The following SLC35F4 variants were observed in gnomAD, a reference collection of about 807,000 sequenced individuals.
The protein encoded by SLC35F4 is solute carrier family 35 member F4, also known as chromosome 14 open reading frame 36.
SLC35F4 carries 24 observed loss-of-function variants against 44.2 expected under a neutral mutation model. The observed-to-expected ratio is 0.54, with a 90% confidence interval of 0.39 to 0.76. The LOEUF is 0.76. SLC35F4 is among the 30% of genes least tolerant of loss of function. The pLI is 0.00. For synonymous variants in SLC35F4, 238 were observed against 223.6 expected (o/e 1.06, Z -0.57); for missense variants, 562 against 586.1 (o/e 0.96, Z 0.42).
chr14:57,850,141 G>A (rs765704262), intron 1 of SLC35F4, among the ~76,000 whole-genome samples: 5 of 152,144 alleles, frequency 3.3e-5, no homozygotes, highest in Admixed American at 1.3e-4. Flanking sequence ...GTATATGAAT[G>A]TCATTGAAAA....
At chr14:57,872,736 A>T (rs1888321324) in intron 1 of SLC35F4, among the ~76,000 whole-genome samples, 1 of 152,170 alleles carries the variant, frequency 6.6e-6, no homozygotes, top group African/African-American at 2.4e-5. Flanking sequence ...CTTCCCTGAG[A>T]AGCTGTCACT....
chr14:57,607,293 C>A (rs1357579858), intron 1 of SLC35F4, among the ~76,000 whole-genome samples: 1 of 152,152 alleles, frequency 6.6e-6, no homozygotes. Context: ...TTAGCATATA[C>A]ATATTTGTCA....
chr14:57,642,871 A>T (rs1175463019), intron 1 of SLC35F4, among the ~76,000 whole-genome samples: 3 of 152,004 alleles, frequency 2.0e-5, no homozygotes, highest in Non-Finnish European at 4.4e-5. Context: ...TAGGTGGTTT[A>T]CCCTATCTCC....
intron 1 of SLC35F4, among the ~76,000 whole-genome samples, chr14:57,795,606 C>G (rs562177363): frequency 3.9e-4 from 59 of 152,118 alleles, no homozygotes; most frequent in African/African-American, 1.3e-3. Context: ...GGAAAGTCAC[C>G]CAGAAATCCA....
intron 1 of SLC35F4, among the ~76,000 whole-genome samples, chr14:57,851,699 T>C (rs1019521598): frequency 1.3e-5 from 2 of 152,186 alleles, no homozygotes; most frequent in Non-Finnish European, 2.9e-5. Context: ...AATCTGGTAC[T>C]CTGGATTGGG....
At chr14:57,646,142 T>G (rs1452217823) in intron 1 of SLC35F4, among the ~76,000 whole-genome samples, 1 of 152,220 alleles carries the variant, frequency 6.6e-6, no homozygotes, top group Non-Finnish European at 1.5e-5. Flanking sequence ...CCTCATAAAA[T>G]GAGTTAGGAA....
intron 3 of SLC35F4, among the ~76,000 whole-genome samples, chr14:57,588,986 C>G (rs1299127793): frequency 6.6e-6 from 1 of 152,110 alleles, no homozygotes; most frequent in Non-Finnish European, 1.5e-5. Context: ...AATGTTACCA[C>G]CGGTCATAAT....
chr14:57,810,350 G>C (rs1461355560), intron 1 of SLC35F4, among the ~76,000 whole-genome samples: 1 of 152,232 alleles, frequency 6.6e-6, no homozygotes, highest in Admixed American at 6.5e-5. Flanking sequence ...AGATAGTACT[G>C]TCCTTTCTGG....
At chr14:57,718,918 A>G (rs2076010798) in intron 1 of SLC35F4, among the ~76,000 whole-genome samples, 1 of 152,026 alleles carries the variant, frequency 6.6e-6, no homozygotes. Context: ...CTTTTGCCCA[A>G]TATCTTGAAG....
intron 1 of SLC35F4, among the ~76,000 whole-genome samples, chr14:57,768,218 A>G (rs1015948165): frequency 6.6e-6 from 1 of 152,186 alleles, no homozygotes; most frequent in African/African-American, 2.4e-5. Flanking sequence ...CAGATTTCCC[A>G]TTGGGTTTAC....
intron 1 of SLC35F4, among the ~76,000 whole-genome samples, chr14:57,880,718 C>A (rs985432783): frequency 6.6e-6 from 1 of 152,142 alleles, no homozygotes; most frequent in African/African-American, 2.4e-5. Flanking sequence ...GGACACTGGG[C>A]AGATTGTCTG....
intron 1 of SLC35F4, among the ~76,000 whole-genome samples, chr14:57,758,517 C>CAT (rs1409823201): frequency 3.3e-5 from 5 of 151,772 alleles, no homozygotes; most frequent in East Asian, 1.9e-4. Flanking sequence ...TGATTCCAGT[C>CAT]ATATATATAT....
chr14:57,637,817 C>A (rs976301317), intron 1 of SLC35F4, among the ~76,000 whole-genome samples: 2 of 151,944 alleles, frequency 1.3e-5, no homozygotes, highest in Admixed American at 1.3e-4. Context: ...ACTGAATGAA[C>A]CCCTCTTGGC....
chr14:57,676,903 C>T (rs1163657491), intron 1 of SLC35F4, among the ~76,000 whole-genome samples: 2 of 152,038 alleles, frequency 1.3e-5, no homozygotes, highest in Non-Finnish European at 2.9e-5. Context: ...CCAGCAATCC[C>T]ACTACTGGGA....
chr14:57,786,730 CA>C (rs1466051661), intron 1 of SLC35F4, among the ~76,000 whole-genome samples: 2 of 152,180 alleles, frequency 1.3e-5, no homozygotes, highest in African/African-American at 4.8e-5. Context: ...AGTACTACAT[CA>C]AGGGAACATT....
chr14:57,727,118 ATATATATGTATATATG>A (rs1161943836), intron 1 of SLC35F4, among the ~76,000 whole-genome samples: 1 of 36,924 alleles, frequency 2.7e-5, no homozygotes, highest in Non-Finnish European at 7.3e-5. Flanking sequence ...ATAAGCTCAT[ATATATATGTATATATG>A]TACATATATA....
chr14:57,819,434 A>G (rs900740811), intron 1 of SLC35F4, among the ~76,000 whole-genome samples: 1 of 152,140 alleles, frequency 6.6e-6, no homozygotes, highest in African/African-American at 2.4e-5. Flanking sequence ...GTTGTTCATG[A>G]AATTTGATAA....
At chr14:57,578,676 A>G (rs1465783431) in intron 4 of SLC35F4, 1 of 152,032 alleles carries the variant, frequency 6.6e-6, no homozygotes, top group Admixed American at 6.5e-5. Context: ...GAAGTGAAGC[A>G]CTTCCTCTTA....
At position 57,608,789 on chromosome 14, in the gene SLC35F4, GGGGGGGGCGGC is replaced by G. The variant is rs1566677446; in HGVS notation, c.104-14676_104-14666del. Among the ~76,000 whole-genome samples the G allele has an allele frequency of 4.5e-3, 98 of 21,572 alleles. 3 individuals are homozygous for G. Among genetic ancestry groups the G allele is most frequent in the Non-Finnish European group, 0.018 (70 of 3,808 alleles). The allele number at this position is 21,572 out of a possible 152,430, so 14.2% of individuals were successfully genotyped here. On this transcript the variant is annotated intron_variant, in intron 1 of 7. Coordinates refer to ENST00000556826, the MANE Select transcript of SLC35F4 (RefSeq NM_001306087.2). ...AGAAAAGCAGCCCAAAAGATGGCCG[GGGGGGGGCGGC>G]GGGGGGAGAGAAACAGGAAATTATA...
Sources: gnomAD v4.1 joint callset for allele counts (sites outside exome capture counted in the v4.1 genomes callset) on GRCh38, gnomAD v4.1.1 for gene constraint, MANE v1.5 for transcripts, NCBI Gene and HGNC (gene_info 2026-07-23, HGNC 2026-07-21) for gene names.